KCNB2: variants seen among roughly 807,000 people sequenced by gnomAD.
The protein encoded by KCNB2 is potassium voltage-gated channel subfamily B member 2, also known as delayed rectifier potassium channel protein.
Under a neutral mutation model 61.5 loss-of-function variants are expected in KCNB2, and 15 were observed. The observed-to-expected ratio is 0.24, with a 90% confidence interval of 0.16 to 0.38. The LOEUF (loss-of-function observed/expected upper bound fraction) is 0.38, where lower values mean the gene tolerates loss of function less well. Ranked by LOEUF, KCNB2 falls within the 10% of genes least tolerant of loss-of-function variation. The pLI, the probability that KCNB2 is intolerant of heterozygous loss-of-function variation, is 1.00. For missense variants in KCNB2, 828 were observed against 1,125.2 expected (o/e 0.74, Z 3.78); for synonymous variants, 457 against 446.0 (o/e 1.02, Z -0.31).
intron 2 of KCNB2, among the ~76,000 whole-genome samples, chr8:72,714,398 G>A (rs1303228521): frequency 6.6e-6 from 1 of 152,082 alleles, no homozygotes; most frequent in East Asian, 1.9e-4. Flanking sequence ...AAATATTAAG[G>A]GCAGACAGAG....
At chr8:72,831,366 C>G (rs186066802) in intron 2 of KCNB2, among the ~76,000 whole-genome samples, 7 of 152,234 alleles carry the variant, frequency 4.6e-5, no homozygotes, top group Admixed American at 1.3e-4. Context: ...TAGAAAGACA[C>G]GATCAAAGCA....
chr8:72,712,861 G>T (rs1467840435), intron 2 of KCNB2, among the ~76,000 whole-genome samples: 1 of 152,168 alleles, frequency 6.6e-6, no homozygotes, highest in Non-Finnish European at 1.5e-5. Context: ...AGCAGGGCGA[G>T]GCATCACCTC....
intron 1 of KCNB2, among the ~76,000 whole-genome samples, chr8:72,547,608 G>T (rs1185697489): frequency 3.3e-5 from 5 of 152,196 alleles, no homozygotes; most frequent in Non-Finnish European, 5.9e-5. Flanking sequence ...GAGAGAAGGA[G>T]AATTAGAAGT....
chr8:72,600,633 T>C (rs534178144), intron 2 of KCNB2, among the ~76,000 whole-genome samples: 1 of 151,968 alleles, frequency 6.6e-6, no homozygotes, highest in African/African-American at 2.4e-5. Context: ...GTGGTATGTA[T>C]ACACCATGGA....
intron 2 of KCNB2, among the ~76,000 whole-genome samples, chr8:72,640,692 AT>A (rs762328274): frequency 2.4e-4 from 36 of 152,244 alleles, no homozygotes; most frequent in Middle Eastern, 3.4e-3. Flanking sequence ...GATAAAAAAA[AT>A]ATTAGGAAAA....
intron 2 of KCNB2, among the ~76,000 whole-genome samples, chr8:72,929,656 A>T (rs116543924): frequency 0.012 from 1,754 of 152,308 alleles, 26 homozygotes; most frequent in African/African-American, 0.041. Context: ...TTTAGTTTAG[A>T]CAGAGAATCA....
chr8:72,543,946 C>T (rs948229951), intron 1 of KCNB2, among the ~76,000 whole-genome samples: 1 of 152,104 alleles, frequency 6.6e-6, no homozygotes, highest in East Asian at 1.9e-4. Context: ...GTAAGTTTAG[C>T]GGCTGACTAA....
intron 2 of KCNB2, among the ~76,000 whole-genome samples, chr8:72,744,140 G>A (rs1808017067): frequency 6.6e-6 from 1 of 152,118 alleles, no homozygotes; most frequent in Non-Finnish European, 1.5e-5. Flanking sequence ...TGAAATCTGG[G>A]AGAGGATAGA....
chr8:72,666,529 T>C (rs940498013), intron 2 of KCNB2, among the ~76,000 whole-genome samples: 3 of 152,224 alleles, frequency 2.0e-5, no homozygotes, highest in Non-Finnish European at 4.4e-5. Flanking sequence ...TCAAAAGCTT[T>C]GATTGAATTC....
At chr8:72,796,824 T>C (rs1809038885) in intron 2 of KCNB2, among the ~76,000 whole-genome samples, 1 of 152,220 alleles carries the variant, frequency 6.6e-6, no homozygotes, top group Non-Finnish European at 1.5e-5. Context: ...ACCAAAATGA[T>C]ATCAACTGAA....
chr8:72,604,776 A>G (rs764525913), intron 2 of KCNB2, among the ~76,000 whole-genome samples: 1 of 152,176 alleles, frequency 6.6e-6, no homozygotes, highest in Non-Finnish European at 1.5e-5. Context: ...TTTCACTTAG[A>G]CTCCAAAGGT....
At chr8:72,624,777 G>T (rs929430937) in intron 2 of KCNB2, among the ~76,000 whole-genome samples, 5 of 152,194 alleles carry the variant, frequency 3.3e-5, no homozygotes, top group African/African-American at 1.2e-4. Context: ...GTAGGGCAAA[G>T]GCAGTGGGAT....
At chr8:72,829,457 G>A (rs1470085109) in intron 2 of KCNB2, among the ~76,000 whole-genome samples, 1 of 152,214 alleles carries the variant, frequency 6.6e-6, no homozygotes, top group African/African-American at 2.4e-5. Context: ...TGTATAAAGA[G>A]TAGATGGGAT....
At chr8:72,575,220 A>G (rs1054791321) in intron 2 of KCNB2, among the ~76,000 whole-genome samples, 1 of 151,934 alleles carries the variant, frequency 6.6e-6, no homozygotes, top group African/African-American at 2.4e-5. Context: ...ATGTTTATTT[A>G]TATTGTTACT....
At chr8:72,697,262 C>T (rs1330205304) in intron 2 of KCNB2, among the ~76,000 whole-genome samples, 2 of 152,138 alleles carry the variant, frequency 1.3e-5, no homozygotes, top group Admixed American at 6.5e-5. Flanking sequence ...TGAGATAATA[C>T]TTGTAAAATG....
At chr8:72,564,701 A>G (rs567251248) in intron 1 of KCNB2, among the ~76,000 whole-genome samples, 1 of 152,312 alleles carries the variant, frequency 6.6e-6, no homozygotes, top group South Asian at 2.1e-4. Context: ...GGCGCCAAAG[A>G]CAGATGCTAT....
chr8:72,734,657 C>T (rs770381061), intron 2 of KCNB2, among the ~76,000 whole-genome samples: 4 of 152,154 alleles, frequency 2.6e-5, no homozygotes, highest in Non-Finnish European at 5.9e-5. Context: ...GGCTCATTGC[C>T]ATGCCCCCTG....
intron 2 of KCNB2, among the ~76,000 whole-genome samples, chr8:72,735,009 T>A (rs955154267): frequency 1.3e-5 from 2 of 152,172 alleles, no homozygotes; most frequent in African/African-American, 4.8e-5. Flanking sequence ...AAGGACAAGA[T>A]GCATTTATCT....
chr8:72,716,558 A>G (rs1807445630), intron 2 of KCNB2, among the ~76,000 whole-genome samples: 1 of 152,232 alleles, frequency 6.6e-6, no homozygotes, highest in Admixed American at 6.5e-5. Context: ...CCAAAGACAA[A>G]AACCACATGA....
Sources: allele counts gnomAD v4.1 joint callset (sites outside exome capture counted in the v4.1 genomes callset), GRCh38; gene constraint gnomAD v4.1.1; transcripts MANE v1.5; gene names NCBI Gene and HGNC (gene_info 2026-07-23, HGNC 2026-07-21).